Variants in TMEM132B observed in about 807,000 individuals in gnomAD.
TMEM132B encodes the protein transmembrane protein 132B.
Under a neutral mutation model 90.8 loss-of-function variants are expected in TMEM132B, and 18 were observed. That is an observed-to-expected ratio of 0.20 (90% CI 0.14 to 0.29). TMEM132B has a LOEUF of 0.29. Among genes scored for constraint, TMEM132B ranks in the 10% least tolerant of loss-of-function variants. The pLI, the probability that TMEM132B is intolerant of heterozygous loss-of-function variation, is 1.00. For missense variants in TMEM132B, 1,096 were observed against 1,326.8 expected (o/e 0.83, Z 2.70); for synonymous variants, 504 against 523.3 (o/e 0.96, Z 0.50).
intron 5 of TMEM132B, among the ~76,000 whole-genome samples, chr12:125,634,469 C>G (rs117691876): frequency 6.6e-6 from 1 of 152,160 alleles, no homozygotes; most frequent in African/African-American, 2.4e-5. Flanking sequence ...CTTTACTTTT[C>G]CCTCTGCTTT....
chr12:125,285,062 T>C (rs1205439785), intron 1 of TMEM132B, among the ~76,000 whole-genome samples: 1 of 152,178 alleles, frequency 6.6e-6, no homozygotes, highest in Non-Finnish European at 1.5e-5. Context: ...TTCTCCCAGG[T>C]TGGAGGGAAA....
intron 1 of TMEM132B, among the ~76,000 whole-genome samples, chr12:125,195,528 A>G (rs1420313820): frequency 2.0e-5 from 3 of 150,330 alleles, no homozygotes; most frequent in Non-Finnish European, 4.4e-5. Flanking sequence ...CCTCCCAAGT[A>G]GCAGTGATTA....
intron 1 of TMEM132B, among the ~76,000 whole-genome samples, chr12:125,270,149 T>TGTGTGTGTGTGTGTGTGTGTG (rs1555235073): frequency 1.3e-5 from 2 of 150,196 alleles, no homozygotes; most frequent in South Asian, 2.1e-4. Context: ...TGTGTGTGTG[T>TGTGTGTGTGTGTGTGTGTGTG]TTTAAGAGAC....
intron 4 of TMEM132B, among the ~76,000 whole-genome samples, chr12:125,542,444 G>C (rs1342555809): frequency 1.3e-5 from 2 of 152,056 alleles, no homozygotes; most frequent in Non-Finnish European, 2.9e-5. Context: ...CCATCTCCAG[G>C]ACTGTTTTCA....
intron 6 of TMEM132B, among the ~76,000 whole-genome samples, chr12:125,650,467 G>T (rs115472529): frequency 6.6e-6 from 1 of 152,248 alleles, no homozygotes; most frequent in East Asian, 1.9e-4. Flanking sequence ...AGCTGCCCTT[G>T]CCATTCTTGT....
At chr12:125,588,241 A>G (rs1885227474) in intron 5 of TMEM132B, 1 of 152,146 alleles carries the variant, frequency 6.6e-6, no homozygotes, top group African/African-American at 2.4e-5. Context: ...TATCTATAAA[A>G]TGGGGATGGT....
intron 1 of TMEM132B, among the ~76,000 whole-genome samples, chr12:125,201,534 C>T (rs1276378665): frequency 6.6e-6 from 1 of 152,236 alleles, no homozygotes; most frequent in South Asian, 2.1e-4. Flanking sequence ...CTGTTTGCCC[C>T]TCTGCTAGCT....
intron 1 of TMEM132B, among the ~76,000 whole-genome samples, chr12:125,191,287 G>T (rs1269451587): frequency 6.6e-6 from 1 of 152,046 alleles, no homozygotes; most frequent in East Asian, 1.9e-4. Flanking sequence ...GCTTCTTCCT[G>T]TGCTGCAGGC....
intron 5 of TMEM132B, among the ~76,000 whole-genome samples, chr12:125,609,579 G>A (rs1885775543): frequency 6.6e-6 from 1 of 151,866 alleles, no homozygotes; most frequent in Non-Finnish European, 1.5e-5. Context: ...ACTTTGGGAG[G>A]CTGAGGCAGG....
At chr12:125,525,007 G>A (rs1883409647) in intron 4 of TMEM132B, among the ~76,000 whole-genome samples, 2 of 152,244 alleles carry the variant, frequency 1.3e-5, no homozygotes, top group South Asian at 4.2e-4. Context: ...AGGTGTTCTA[G>A]GCAGATGGAA....
At chr12:125,409,191 A>G (rs936141404) in intron 2 of TMEM132B, among the ~76,000 whole-genome samples, 1 of 152,076 alleles carries the variant, frequency 6.6e-6, no homozygotes, top group Non-Finnish European at 1.5e-5. Flanking sequence ...CTCTTTGGAG[A>G]GTTGCTGGGC....
chr12:125,515,862 T>G (rs1241793611), intron 3 of TMEM132B, among the ~76,000 whole-genome samples: 1 of 149,372 alleles, frequency 6.7e-6, no homozygotes, highest in African/African-American at 2.6e-5. Context: ...ACATTCTCCC[T>G]GTCACACACA....
chr12:125,281,606 G>A (rs909131581), intron 1 of TMEM132B, among the ~76,000 whole-genome samples: 3 of 152,086 alleles, frequency 2.0e-5, no homozygotes, highest in African/African-American at 4.8e-5. Context: ...CGTAATATTG[G>A]GCACACAGAA....
chr12:125,628,587 G>A (rs550939018), intron 5 of TMEM132B, among the ~76,000 whole-genome samples: 11 of 152,036 alleles, frequency 7.2e-5, no homozygotes, highest in South Asian at 6.2e-4. Context: ...TTTCTATCCC[G>A]TTCTGTGGGT....
At chr12:125,515,219 C>G (rs1225071798) in intron 3 of TMEM132B, among the ~76,000 whole-genome samples, 1 of 149,288 alleles carries the variant, frequency 6.7e-6, no homozygotes, top group Non-Finnish European at 1.5e-5. Context: ...CACACACGTT[C>G]ACACATTCTC....
chr12:125,191,958 C>T (rs1313820834), intron 1 of TMEM132B, among the ~76,000 whole-genome samples: 1 of 152,102 alleles, frequency 6.6e-6, no homozygotes, highest in Admixed American at 6.6e-5. Flanking sequence ...TGTGCTGATG[C>T]GTGAGGCTGT....
chr12:125,389,999 C>T (rs549894579), intron 2 of TMEM132B, among the ~76,000 whole-genome samples: 12 of 152,316 alleles, frequency 7.9e-5, no homozygotes, highest in African/African-American at 2.9e-4. Context: ...GTTCAAGAAT[C>T]GTAATGTGAC....
At chr12:125,565,366 C>T (rs1347662465) in intron 4 of TMEM132B, among the ~76,000 whole-genome samples, 2 of 152,216 alleles carry the variant, frequency 1.3e-5, no homozygotes, top group Non-Finnish European at 2.9e-5. Context: ...CCTCTGGGCT[C>T]CGGCCCCACA....
At chr12:125,653,424 C>T in intron 8 of TMEM132B, 141 bp from the exon 9 acceptor site, 1 of 916,966 alleles carries the variant, frequency 1.1e-6, no homozygotes, top group Non-Finnish European at 1.6e-6. Flanking sequence ...CAGTTCAAGG[C>T]ATAACAAGAA....
Sources: gnomAD v4.1 joint callset for allele counts (sites outside exome capture counted in the v4.1 genomes callset) on GRCh38, gnomAD v4.1.1 for gene constraint, MANE v1.5 for transcripts, NCBI Gene and HGNC (gene_info 2026-07-23, HGNC 2026-07-21) for gene names.